TCF12: variants seen among roughly 807,000 people sequenced by gnomAD.
TCF12 encodes the protein transcription factor 12.
Under a neutral mutation model 86.0 loss-of-function variants are expected in TCF12, and 45 were observed. The ratio of observed to expected loss-of-function variants is 0.52; its 90% CI spans 0.41 to 0.67. The LOEUF (loss-of-function observed/expected upper bound fraction) is 0.67, where lower values mean the gene tolerates loss of function less well. Ranked by LOEUF, TCF12 falls within the 30% of genes least tolerant of loss-of-function variation. The probability of loss-of-function intolerance (pLI) is 0.00; values close to 1 mark genes in which losing one functional copy is unlikely to be tolerated. For missense variants in TCF12, 881 were observed against 859.9 expected (o/e 1.02, Z -0.31); for synonymous variants, 330 against 299.6 (o/e 1.10, Z -1.05).
chr15:57,232,637 G>C, intron 10 of TCF12, 75 bp from the exon 11 acceptor site: 1 of 1,503,884 alleles, frequency 6.6e-7, no homozygotes, highest in Non-Finnish European at 8.9e-7. Context: ...TTTTTGACCT[G>C]TTATCATAGT....
At chr15:57,239,270 G>C (rs1427740856) in intron 12 of TCF12, among the ~76,000 whole-genome samples, 1 of 152,080 alleles carries the variant, frequency 6.6e-6, no homozygotes, top group African/African-American at 2.4e-5. Flanking sequence ...AGAATCGCTT[G>C]AACCCAGGAA....
At chr15:57,035,975 G>A (rs2066483057) in intron 3 of TCF12, among the ~76,000 whole-genome samples, 1 of 152,180 alleles carries the variant, frequency 6.6e-6, no homozygotes, top group African/African-American at 2.4e-5. Flanking sequence ...GATCTAGATT[G>A]CTCACTCCTT....
At chr15:57,091,298 G>A (rs1472562710) in intron 4 of TCF12, among the ~76,000 whole-genome samples, 4 of 152,120 alleles carry the variant, frequency 2.6e-5, no homozygotes, top group African/African-American at 9.7e-5. Flanking sequence ...TAAGTCACTT[G>A]TAATTGCCTA....
At chr15:56,951,472 G>C (rs1404078473) in intron 3 of TCF12, among the ~76,000 whole-genome samples, 1 of 152,104 alleles carries the variant, frequency 6.6e-6, no homozygotes, top group Non-Finnish European at 1.5e-5. Flanking sequence ...ATGGTTTACA[G>C]ATATTTTCTA....
At chr15:56,937,494 A>T (rs1416095045) in intron 3 of TCF12, among the ~76,000 whole-genome samples, 1 of 151,938 alleles carries the variant, frequency 6.6e-6, no homozygotes, top group Non-Finnish European at 1.5e-5. Flanking sequence ...CGATCATATC[A>T]TCAGCAAACA....
chr15:56,934,000 T>C (rs1448032290), intron 3 of TCF12, among the ~76,000 whole-genome samples: 2 of 152,120 alleles, frequency 1.3e-5, no homozygotes, highest in East Asian at 3.8e-4. Flanking sequence ...GAATCTCTTA[T>C]AAATTCATCA....
At chr15:56,978,481 C>G (rs144452570) in intron 3 of TCF12, among the ~76,000 whole-genome samples, 187 of 152,082 alleles carry the variant, frequency 1.2e-3, no homozygotes, top group African/African-American at 4.1e-3. Flanking sequence ...TAGAGAGTTA[C>G]CCAGACAAAA....
chr15:56,961,093 T>C, intron 3 of TCF12, among the ~76,000 whole-genome samples: 1 of 138,168 alleles, frequency 7.2e-6, no homozygotes, highest in African/African-American at 2.8e-5. Context: ...TAGGCCGAGA[T>C]CCCACCTGGG....
At chr15:56,965,191 C>T (rs1323982363) in intron 3 of TCF12, among the ~76,000 whole-genome samples, 2 of 152,094 alleles carry the variant, frequency 1.3e-5, no homozygotes, top group Admixed American at 1.3e-4. Context: ...TATTCAGTTT[C>T]CTCATATTTG....
intron 3 of TCF12, among the ~76,000 whole-genome samples, chr15:57,012,413 C>T (rs1018657680): frequency 5.9e-5 from 9 of 152,064 alleles, no homozygotes; most frequent in East Asian, 5.8e-4. Flanking sequence ...TTCATTCTTC[C>T]GTATTGTTTC....
intron 3 of TCF12, among the ~76,000 whole-genome samples, chr15:56,946,982 G>C (rs12908670): frequency 0.39 from 58,841 of 151,714 alleles, 14,200 homozygotes; most frequent in Non-Finnish European, 0.53. Flanking sequence ...ACTTTTAGTA[G>C]AGACAGGGTT....
chr15:57,006,166 C>T (rs2064358875), intron 3 of TCF12, among the ~76,000 whole-genome samples: 1 of 152,044 alleles, frequency 6.6e-6, no homozygotes, highest in Admixed American at 6.6e-5. Flanking sequence ...AGTATATTAT[C>T]ACCACAAAAA....
intron 5 of TCF12, among the ~76,000 whole-genome samples, chr15:57,131,808 T>G (rs1267643358): frequency 6.6e-6 from 1 of 152,248 alleles, no homozygotes; most frequent in Non-Finnish European, 1.5e-5. Flanking sequence ...TGTTATAATT[T>G]CATCTGATAA....
chr15:57,004,460 G>A (rs2064230152), intron 3 of TCF12, among the ~76,000 whole-genome samples: 1 of 151,980 alleles, frequency 6.6e-6, no homozygotes, highest in African/African-American at 2.4e-5. Flanking sequence ...CCAGGCTGGA[G>A]TGCAGTGGCG....
At position 56,964,050 on chromosome 15, in the gene TCF12, A is replaced by G. The variant is rs2061893093; in HGVS notation, c.148+42952A>G. Among the ~76,000 whole-genome samples, 7 of 152,344 alleles carry G rather than the reference A, an allele frequency of 4.6e-5. No individual in the cohort carries two copies. The South Asian group carries it at 1.5e-3, about 32-fold the overall frequency. ...TATTAGCTTTAACTTGAGGTCAAAT[A>G]TATTTTGAGCTGTAACTTGAGCGCA... On this transcript the variant is annotated intron_variant, in intron 3 of 20. Transcript: ENST00000333725.
At chr15:56,940,508 T>TCTC (rs1197443302) in intron 3 of TCF12, among the ~76,000 whole-genome samples, 14 of 149,596 alleles carry the variant, frequency 9.4e-5, no homozygotes, top group Admixed American at 2.7e-4. Flanking sequence ...TCCTTCTTCT[T>TCTC]CTCCTCCTCC....
intron 3 of TCF12, among the ~76,000 whole-genome samples, chr15:57,048,101 T>C (rs1218887189): frequency 1.3e-5 from 2 of 152,248 alleles, no homozygotes; most frequent in African/African-American, 2.4e-5. Flanking sequence ...ATGAATTTTC[T>C]ACCTTTCATC....
intron 19 of TCF12, chr15:57,281,635 A>G (rs2061696423): frequency 1.3e-5 from 2 of 152,188 alleles, no homozygotes; most frequent in Admixed American, 6.5e-5. Context: ...TCATAGGAGC[A>G]TGAACCCTAT....
intron 8 of TCF12, among the ~76,000 whole-genome samples, chr15:57,204,731 A>G (rs1266423966): frequency 6.6e-6 from 1 of 151,342 alleles, no homozygotes; most frequent in African/African-American, 2.4e-5. Flanking sequence ...AGAAAAAAAT[A>G]CTAAATCCTG....
Sources: gnomAD v4.1 joint callset for allele counts (sites outside exome capture counted in the v4.1 genomes callset) on GRCh38, gnomAD v4.1.1 for gene constraint, MANE v1.5 for transcripts, NCBI Gene and HGNC (gene_info 2026-07-23, HGNC 2026-07-21) for gene names.